Variants in FCHO2 observed in about 807,000 individuals in gnomAD.
The protein encoded by FCHO2 is F-BAR domain only protein 2.
FCHO2 carries 43 observed loss-of-function variants against 114.1 expected under a neutral mutation model. The observed-to-expected ratio is 0.38, with a 90% CI of 0.30 to 0.49. The LOEUF (loss-of-function observed/expected upper bound fraction) is 0.49. Ranked by LOEUF, FCHO2 falls within the 20% of genes least tolerant of loss-of-function variation. The probability of loss-of-function intolerance (pLI) is 0.97; values close to 1 mark genes in which losing one functional copy is unlikely to be tolerated. For synonymous variants in FCHO2, 293 were observed against 315.2 expected (o/e 0.93, Z 0.75); for missense variants, 807 against 950.4 (o/e 0.85, Z 1.98).
At chr5:73,064,920 A>C (rs749709859) in intron 18 of FCHO2, among the ~76,000 whole-genome samples, 13 of 151,894 alleles carry the variant, frequency 8.6e-5, no homozygotes, top group Non-Finnish European at 1.9e-4. Flanking sequence ...CCTTATACCC[A>C]GATACTTTGC....
At chr5:73,070,521 T>C (rs1264036749) in intron 19 of FCHO2, among the ~76,000 whole-genome samples, 1 of 151,780 alleles carries the variant, frequency 6.6e-6, no homozygotes. Context: ...TGGGACCTAC[T>C]AGAAAGCAGG....
At chr5:73,049,834 G>A (rs564168225) in intron 11 of FCHO2, among the ~76,000 whole-genome samples, 6 of 151,630 alleles carry the variant, frequency 4.0e-5, no homozygotes, top group Non-Finnish European at 7.4e-5. Context: ...TAAACAAATT[G>A]TGTGTGTGTG....
chr5:73,013,441 G>GA (rs1462058871), intron 6 of FCHO2, among the ~76,000 whole-genome samples: 3 of 151,910 alleles, frequency 2.0e-5, no homozygotes, highest in East Asian at 3.9e-4. Context: ...ATTTAATTTG[G>GA]AAAAAAATAG....
chr5:72,983,673 G>A (rs1335765020), intron 2 of FCHO2, among the ~76,000 whole-genome samples: 4 of 149,540 alleles, frequency 2.7e-5, no homozygotes, highest in Non-Finnish European at 5.9e-5. Flanking sequence ...TTACAAGCAT[G>A]AGCCACTGTG....
intron 5 of FCHO2, among the ~76,000 whole-genome samples, chr5:73,001,871 A>G (rs1463542066): frequency 2.0e-5 from 3 of 151,318 alleles, no homozygotes; most frequent in South Asian, 2.1e-4. Flanking sequence ...TTGAGGCTAC[A>G]CTCTAGCCTG....
At chr5:73,072,694 G>A (rs1742714194) in intron 19 of FCHO2, among the ~76,000 whole-genome samples, 1 of 152,052 alleles carries the variant, frequency 6.6e-6, no homozygotes, top group African/African-American at 2.4e-5. Context: ...CAAACTCATA[G>A]AGACAGCAAG....
In FCHO2 at chr5:73,078,272, C is replaced by T. The variant is rs1161845151; in HGVS notation, c.1940C>T (p.Pro647Leu). Residue 647 changes from proline to leucine, a missense_variant, in exon 22 of 26, where the codon CCA (proline) becomes CTA (leucine). Coordinates refer to ENST00000430046, the MANE Select transcript of FCHO2 (RefSeq NM_138782.3). Reference sequence around the variant, plus strand: ...CTCAAGAAGCTGTCAGAGCAAAATCCAGCTGCTTCTTATTATAATGTAGAT... The same window carrying T: ...CTCAAGAAGCTGTCAGAGCAAAATCTAGCTGCTTCTTATTATAATGTAGAT... ...VYLKKLSEQNPAASYYNVDVL... is the reference protein window; with the variant it reads ...VYLKKLSEQNLAASYYNVDVL... The T allele has an allele frequency of 6.2e-7, 1 of 1,600,676 alleles. No individual in the cohort carries two copies. Among genetic ancestry groups the T allele is most frequent in the South Asian group, 1.1e-5 (1 of 88,176 alleles).
chr5:73,078,271 C>G lies in FCHO2; in HGVS notation c.1939C>G (p.Pro647Ala), dbSNP rs754677399. ...CCTCAAGAAGCTGTCAGAGCAAAATCCAGCTGCTTCTTATTATAATGTAGA... is the reference window on the plus strand; with the variant it reads ...CCTCAAGAAGCTGTCAGAGCAAAATGCAGCTGCTTCTTATTATAATGTAGA... ...VYLKKLSEQN[P>A]AASYYNVDVL... Residue 647 changes from proline to alanine, a missense_variant, in exon 22 of 26, where the codon CCA becomes GCA. By Grantham distance (27) the Pro-to-Ala change is conservative. Coordinates refer to ENST00000430046, the MANE Select transcript of FCHO2 (RefSeq NM_138782.3). 6.2e-7 allele frequency: 1 copy of G among 1,600,506 alleles called. No homozygotes were observed. The highest frequency in any genetic ancestry group is 2.3e-5 in the East Asian group (1 of 44,230).
At position 73,012,503 on chromosome 5, in the gene FCHO2, C is replaced by T. The variant is rs1755076519; in HGVS notation, c.601-3123C>T. On this transcript the variant is annotated intron_variant, in intron 6 of 25. Transcript: ENST00000430046. ...GTGTGGTGGCACATGCCTGTAGTCC[C>T]AGCTACTCGGGAGCCTGAGGCAGGA... Among the ~76,000 whole-genome samples the T allele has an allele frequency of 2.6e-5, 4 of 151,810 alleles. No individual in the cohort carries two copies. In the South Asian group the frequency reaches 8.3e-4, roughly 32 times the overall value.
intron 5 of FCHO2, among the ~76,000 whole-genome samples, chr5:72,995,769 T>C (rs1374726331): frequency 6.6e-6 from 1 of 152,008 alleles, no homozygotes; most frequent in Non-Finnish European, 1.5e-5. Flanking sequence ...TGATAATCCA[T>C]TGATTCATGA....
In FCHO2 at chr5:73,021,249, C is replaced by T. The variant is rs975740484; in HGVS notation, c.796+3941C>T. On this transcript the variant is annotated intron_variant, in intron 8 of 25. Transcript: ENST00000430046. The stretch of plus-strand genomic sequence containing the variant: ...TTCTTTATCTCCTCAAGCTCTTCAT[C>T]CCACAGTAACATGGAGGGCTGAGAA... The T allele has an allele frequency of 1.6e-5, 10 of 619,082 alleles. No homozygotes were observed. In the Admixed American group the frequency reaches 2.1e-4, roughly 13 times the overall value. The allele number at this position is 619,082 out of a possible 1,614,324, so 38.3% of individuals were successfully genotyped here. A position where few individuals can be genotyped will look rare whatever the true frequency, so the allele number is the denominator to read the frequency against.
intron 2 of FCHO2, among the ~76,000 whole-genome samples, chr5:72,977,399 T>C (rs1007685500): frequency 2.6e-5 from 4 of 152,240 alleles, no homozygotes; most frequent in East Asian, 1.9e-4. Flanking sequence ...TTTTCTCTTA[T>C]GTTCGTTGGC....
At chr5:72,990,911 C>T (rs1753777093) in intron 5 of FCHO2, 47 bp downstream of exon 5, 1 of 1,501,262 alleles carries the variant, frequency 6.7e-7, no homozygotes, top group Non-Finnish European at 8.9e-7. Context: ...AGCACCTTGA[C>T]ATACAAAATT....
intron 8 of FCHO2, among the ~76,000 whole-genome samples, chr5:73,024,717 G>A (rs974420324): frequency 3.3e-5 from 5 of 152,160 alleles, no homozygotes; most frequent in Non-Finnish European, 7.3e-5. Flanking sequence ...GATTACAGGT[G>A]TGAGCCACCG....
At chr5:73,025,294 T>TG (rs953853537) in intron 8 of FCHO2, among the ~76,000 whole-genome samples, 2 of 151,290 alleles carry the variant, frequency 1.3e-5, no homozygotes, top group African/African-American at 4.9e-5. Flanking sequence ...CTGCAGTCTC[T>TG]GCCTCCCGAG....
intron 11 of FCHO2, among the ~76,000 whole-genome samples, chr5:73,041,928 T>G (rs1214440850): frequency 6.6e-6 from 1 of 152,112 alleles, no homozygotes; most frequent in Non-Finnish European, 1.5e-5. Context: ...AAACTGTTCA[T>G]TAGATACCGT....
At chr5:73,040,511 T>C (rs946771226) in intron 10 of FCHO2, among the ~76,000 whole-genome samples, 1 of 152,218 alleles carries the variant, frequency 6.6e-6, no homozygotes, top group Non-Finnish European at 1.5e-5. Context: ...TGGAAATTCT[T>C]CTAACCTCAT....
At chr5:73,017,444 C>A in intron 8 of FCHO2, 136 bp downstream of exon 8, 3 of 499,866 alleles carry the variant, frequency 6.0e-6, no homozygotes, top group Non-Finnish European at 6.7e-6. Flanking sequence ...TATTTCCAAA[C>A]TGTGAAATGG....
At chr5:73,026,970 G>A (rs534328357) in intron 8 of FCHO2, among the ~76,000 whole-genome samples, 83 of 151,132 alleles carry the variant, frequency 5.5e-4, no homozygotes, top group African/African-American at 1.9e-3. Flanking sequence ...GGGATTACAG[G>A]TGTGAACCAC....
Sources: gnomAD v4.1 joint callset for allele counts (sites outside exome capture counted in the v4.1 genomes callset) on GRCh38, gnomAD v4.1.1 for gene constraint, MANE v1.5 for transcripts, NCBI Gene and HGNC (gene_info 2026-07-23, HGNC 2026-07-21) for gene names.